The following AGBL4 variants were observed in gnomAD, a reference collection of about 807,000 sequenced individuals.
AGBL4 encodes the protein cytosolic carboxypeptidase 6.
Under a neutral mutation model 66.4 loss-of-function variants are expected in AGBL4, and 58 were observed. The ratio of observed to expected loss-of-function variants is 0.87; its 90% CI spans 0.71 to 1.09. AGBL4 has a LOEUF of 1.09. Ranked by LOEUF, AGBL4 falls within the 50% of genes least tolerant of loss-of-function variation. The probability of loss-of-function intolerance (pLI) is 0.00; values close to 1 mark genes in which losing one functional copy is unlikely to be tolerated. For synonymous variants in AGBL4, 234 were observed against 222.9 expected (o/e 1.05, Z -0.44); for missense variants, 579 against 631.0 (o/e 0.92, Z 0.88).
At chr1:49,767,126 C>T (rs1652787576) in intron 2 of AGBL4, among the ~76,000 whole-genome samples, 1 of 152,082 alleles carries the variant, frequency 6.6e-6, no homozygotes. Flanking sequence ...AACTACACAA[C>T]ATTCTGCCAA....
intron 1 of AGBL4, among the ~76,000 whole-genome samples, chr1:49,910,703 C>T (rs986311699): frequency 5.3e-5 from 8 of 151,734 alleles, no homozygotes; most frequent in African/African-American, 1.5e-4. Context: ...GCGCCAGGCA[C>T]GGTGGCTCAC....
chr1:49,217,827 T>C (rs1649204660), intron 4 of AGBL4, among the ~76,000 whole-genome samples: 1 of 152,166 alleles, frequency 6.6e-6, no homozygotes, highest in East Asian at 1.9e-4. Context: ...TGTCATTTTC[T>C]AACCTATTCA....
At chr1:49,179,892 A>T (rs1313934331) in intron 4 of AGBL4, among the ~76,000 whole-genome samples, 1 of 151,130 alleles carries the variant, frequency 6.6e-6, no homozygotes, top group Admixed American at 6.6e-5. Flanking sequence ...TAACATCTTT[A>T]TTTTTTTTAT....
chr1:49,564,805 T>G (rs900789459), intron 3 of AGBL4, among the ~76,000 whole-genome samples: 26 of 152,350 alleles, frequency 1.7e-4, no homozygotes, highest in African/African-American at 6.0e-4. Flanking sequence ...TGGAGAGTTC[T>G]GTAGATGTCT....
intron 3 of AGBL4, among the ~76,000 whole-genome samples, chr1:49,452,072 T>C (rs1012945606): frequency 6.6e-6 from 1 of 151,822 alleles, no homozygotes; most frequent in Non-Finnish European, 1.5e-5. Context: ...CACCAGGACC[T>C]CCCTCTATCT....
At chr1:49,376,397 T>A (rs1186947670) in intron 3 of AGBL4, among the ~76,000 whole-genome samples, 1 of 152,048 alleles carries the variant, frequency 6.6e-6, no homozygotes, top group Non-Finnish European at 1.5e-5. Flanking sequence ...TGGTGGGAGA[T>A]TGGAGAGCAG....
At chr1:48,948,028 A>G (rs1269014400) in intron 5 of AGBL4, among the ~76,000 whole-genome samples, 1 of 152,110 alleles carries the variant, frequency 6.6e-6, no homozygotes, top group Non-Finnish European at 1.5e-5. Context: ...CGTAGGTGAA[A>G]CAGAAAATAT....
rs79211360 is a variant in AGBL4, at chr1:48,564,415, C to T, written c.1267+22589G>A. On this transcript the variant is annotated intron_variant, in intron 11 of 13. Coordinates refer to ENST00000371839, the MANE Select transcript of AGBL4 (RefSeq NM_032785.4). ...CTCCCTTGTCCCCATTCCTCACTGACGGCCCCACCACACTAGATGACATGG... is the reference window on the plus strand; with the variant it reads ...CTCCCTTGTCCCCATTCCTCACTGATGGCCCCACCACACTAGATGACATGG... Among the ~76,000 whole-genome samples, 329 of 151,906 alleles carry T rather than the reference C, an allele frequency of 2.2e-3. 2 individuals carry two copies. Among genetic ancestry groups the T allele is most frequent in the African/African-American group, 7.6e-3 (313 of 41,422 alleles).
At chr1:49,940,415 G>A (rs552905491) in intron 1 of AGBL4, among the ~76,000 whole-genome samples, 27 of 152,028 alleles carry the variant, frequency 1.8e-4, no homozygotes, top group African/African-American at 5.5e-4. Flanking sequence ...TGTTTATTGC[G>A]GCATTATTCA....
At chr1:49,706,776 C>A (rs1325362315) in intron 2 of AGBL4, among the ~76,000 whole-genome samples, 2 of 152,038 alleles carry the variant, frequency 1.3e-5, no homozygotes, top group Non-Finnish European at 2.9e-5. Context: ...CAAAGAACTT[C>A]TTTATTTCTG....
At chr1:49,216,495 G>A (rs866224809) in intron 4 of AGBL4, among the ~76,000 whole-genome samples, 3 of 152,232 alleles carry the variant, frequency 2.0e-5, no homozygotes, top group South Asian at 2.1e-4. Flanking sequence ...ACTTATAAGT[G>A]AGAACATACA....
At chr1:49,329,161 G>C (rs1360768724) in intron 3 of AGBL4, among the ~76,000 whole-genome samples, 1 of 149,914 alleles carries the variant, frequency 6.7e-6, no homozygotes, top group South Asian at 2.1e-4. Flanking sequence ...ACAAAAATTA[G>C]CCAGGCATGG....
intron 3 of AGBL4, among the ~76,000 whole-genome samples, chr1:49,632,063 T>G (rs563108478): frequency 6.6e-6 from 1 of 152,318 alleles, no homozygotes; most frequent in African/African-American, 2.4e-5. Flanking sequence ...TGTGCAGCAC[T>G]TAGAACTCTG....
intron 1 of AGBL4, among the ~76,000 whole-genome samples, chr1:49,907,896 T>C (rs1457265149): frequency 6.6e-6 from 1 of 151,808 alleles, no homozygotes; most frequent in Non-Finnish European, 1.5e-5. Flanking sequence ...GCTATGTACA[T>C]GTGGGGGTGG....
chr1:49,261,833 A>G (rs1408417704), intron 3 of AGBL4, among the ~76,000 whole-genome samples: 2 of 149,612 alleles, frequency 1.3e-5, no homozygotes, highest in Admixed American at 6.7e-5. Flanking sequence ...TGGAACCAAA[A>G]AAGAGCCCAC....
intron 9 of AGBL4, among the ~76,000 whole-genome samples, chr1:48,593,190 C>T (rs1644943390): frequency 1.3e-5 from 2 of 152,162 alleles, no homozygotes; most frequent in Non-Finnish European, 2.9e-5. Context: ...GTAAATATTT[C>T]CTCTCACACC....
chr1:49,948,544 A>G (rs376462761), intron 1 of AGBL4, among the ~76,000 whole-genome samples: 1 of 93,608 alleles, frequency 1.1e-5, no homozygotes, highest in African/African-American at 3.6e-5. Context: ...TAAATATATA[A>G]ATATATATAA....
At chr1:48,919,415 T>C (rs755131875) in intron 5 of AGBL4, among the ~76,000 whole-genome samples, 3 of 152,232 alleles carry the variant, frequency 2.0e-5, no homozygotes. Context: ...CTTTCTCATA[T>C]ACACATTGCC....
At chr1:49,990,676 C>T (rs1659874356) in intron 1 of AGBL4, among the ~76,000 whole-genome samples, 1 of 152,114 alleles carries the variant, frequency 6.6e-6, no homozygotes, top group South Asian at 2.1e-4. Flanking sequence ...TAATGGCATA[C>T]CTAAAGGCAT....
Sources: allele counts gnomAD v4.1 joint callset (sites outside exome capture counted in the v4.1 genomes callset), GRCh38; gene constraint gnomAD v4.1.1; transcripts MANE v1.5; gene names NCBI Gene and HGNC (gene_info 2026-07-23, HGNC 2026-07-21).